Variants in H3C10 observed in about 807,000 individuals in gnomAD.
H3C10 encodes histone H3.1.
H3C10 carries 8 observed loss-of-function variants against 6.8 expected under a neutral mutation model. The observed-to-expected ratio is 1.17, with a 90% CI of 0.69 to 2.12. H3C10 has a LOEUF of 2.12. Among genes scored for constraint, H3C10 ranks in the 30% most tolerant of loss-of-function variants. H3C10 has a pLI of 0.00. For missense variants in H3C10, 163 were observed against 195.3 expected (o/e 0.83, Z 0.98); for synonymous variants, 122 against 81.3 (o/e 1.50, Z -2.69).
In H3C10 at chr6:27,810,128, A is replaced by G; in HGVS notation, c.55A>G (p.Lys19Glu). ...GTCCACCGGCGGCAAGGCTCCGCGC[A>G]AGCAGCTGGCCACCAAGGCGGCTCG... ...RKSTGGKAPR[K>E]QLATKAARKS... Residue 19 changes from lysine (K) to glutamate (E), a missense_variant, in exon 1 of 1, where the codon AAG becomes GAG. By Grantham distance (56) the Lys-to-Glu change is moderately conservative (BLOSUM62 1). Transcript: ENST00000685041. The G allele has an allele frequency of 3.1e-6, 5 of 1,614,072 alleles. No homozygotes were observed. The highest frequency in any genetic ancestry group is 4.2e-6 in the Non-Finnish European group (5 of 1,179,984).
chr6:27,810,118 G>A lies in H3C10; in HGVS notation c.45G>A (p.Lys15=), dbSNP rs1173270975. 1 of 1,613,962 alleles carries A rather than the reference G, an allele frequency of 6.2e-7. No homozygotes were observed. Among genetic ancestry groups the A allele is most frequent in the Non-Finnish European group, 8.5e-7 (1 of 1,179,984 alleles). The change falls in exon 1 of 1, where the codon AAG becomes AAA. Residue 15 remains lysine (K), a synonymous_variant. Transcript: ENST00000685041. ...KQTARKSTGG[K]APRKQLATKA... is the part of the protein sequence containing the mutation. ...CTGCTCGCAAGTCCACCGGCGGCAA[G>A]GCTCCGCGCAAGCAGCTGGCCACCA...
In H3C10 at chr6:27,810,234, G is replaced by A. The variant is rs764186127; in HGVS notation, c.161G>A (p.Arg54His). 8 of 1,614,214 alleles carry A rather than the reference G, an allele frequency of 5.0e-6. No homozygotes were observed. Among genetic ancestry groups the A allele is most frequent in the South Asian group, 1.1e-5 (1 of 91,088 alleles). The stretch of plus-strand genomic sequence containing the variant: ...ACAGTGGCTCTCCGCGAGATTCGCC[G>A]CTACCAGAAGTCCACCGAGCTGCTG... ...PGTVALREIR[R>H]YQKSTELLIR... is the part of the protein sequence containing the mutation. The change falls in exon 1 of 1, where the codon CGC becomes CAC. Residue 54 changes from arginine to histidine, a missense_variant. Physicochemically the swap from Arg to His is conservative, Grantham distance 29. Coordinates refer to ENST00000685041, the MANE Select transcript of H3C10 (RefSeq NM_003536.3).
In H3C10 at chr6:27,810,449, C is replaced by T; in HGVS notation, c.376C>T (p.Gln126Ter). 3.1e-6 allele frequency: 5 copies of T among 1,614,140 alleles called. No homozygotes were observed. The highest frequency in any genetic ancestry group is 4.2e-6 in the Non-Finnish European group (5 of 1,180,006). The change falls in exon 1 of 1, where the codon CAG (glutamine) becomes TAG (stop). Residue 126 changes from glutamine to a stop codon, truncating the protein, a stop_gained. Coordinates refer to ENST00000685041, the MANE Select transcript of H3C10 (RefSeq NM_003536.3). LOFTEE classifies it high-confidence loss of function. ...GGTGACTATCATGCCCAAGGACATC[C>T]AGCTCGCACGTCGTATCCGCGGCGA... is the stretch of plus-strand genomic sequence containing the variant. The part of the protein sequence containing the change: ...KRVTIMPKDI[Q>*]LARRIRGERA
At position 27,810,503 on chromosome 6, in the gene H3C10, T is replaced by C. The variant is rs1453992917; in HGVS notation, c.*19T>C. ...GGCTTGAGTCTCAAGGACTCACTGA[T>C]TACATACCCAAAGGCTCTTTTCAGA... On this transcript the variant is annotated 3_prime_UTR_variant, in exon 1 of 1. Coordinates refer to ENST00000685041, the MANE Select transcript of H3C10 (RefSeq NM_003536.3). 1.2e-6 allele frequency: 2 copies of C among 1,608,028 alleles called. No homozygotes were observed. The highest frequency in any genetic ancestry group is 1.7e-6 in the Non-Finnish European group (2 of 1,177,056).
rs1581457881 is a variant in H3C10 at position 27,810,088 on chromosome 6, G to A, written c.15G>A (p.Lys5=). Residue 5 remains lysine, a synonymous_variant, in exon 1 of 1, where the codon AAG becomes AAA. Coordinates refer to ENST00000685041, the MANE Select transcript of H3C10 (RefSeq NM_003536.3). ...GCTCTGAAGGCATGGCGCGTACGAA[G>A]CAGACTGCTCGCAAGTCCACCGGCG... The part of the protein sequence containing the change: MART[K]QTARKSTGGK... The A allele has an allele frequency of 6.2e-7, 1 of 1,613,940 alleles. No homozygotes were observed. The highest frequency in any genetic ancestry group is 8.5e-7 in the Non-Finnish European group (1 of 1,179,974).
At position 27,810,394 on chromosome 6, in the gene H3C10, C is replaced by T. The variant is rs1561924009; in HGVS notation, c.321C>T (p.Asp107=). The T allele has an allele frequency of 1.2e-6, 2 of 1,614,108 alleles. No individual in the cohort carries two copies. The highest frequency in any genetic ancestry group is 1.7e-6 in the Non-Finnish European group (2 of 1,180,042). The part of the protein sequence containing the change: ...CEAYLVGLFE[D]TNLCAIHAKR... ...CCTACCTGGTGGGGCTCTTTGAGGACACCAACCTGTGCGCCATCCACGCCA... is the reference window on the plus strand; with the variant it reads ...CCTACCTGGTGGGGCTCTTTGAGGATACCAACCTGTGCGCCATCCACGCCA... The change falls in exon 1 of 1, where the codon GAC becomes GAT. Residue 107 remains aspartate (D), a synonymous_variant. Coordinates refer to ENST00000685041, the MANE Select transcript of H3C10 (RefSeq NM_003536.3).
In H3C10 at chr6:27,810,331, G is replaced by C; in HGVS notation, c.258G>C (p.Gln86His). 6.2e-7 allele frequency: 1 copy of C among 1,614,204 alleles called. No homozygotes were observed. Among genetic ancestry groups the C allele is most frequent in the East Asian group, 2.2e-5 (1 of 44,872 alleles). The change falls in exon 1 of 1, where the codon CAG becomes CAC. Residue 86 changes from glutamine to histidine, a missense_variant. Gln to His is a conservative substitution (Grantham distance 24). Transcript: ENST00000685041. Reference sequence around the variant, plus strand: ...ACTTCAAGACCGACTTGCGCTTCCAGAGCTCCGCGGTGATGGCGCTGCAAG... The same window carrying C: ...ACTTCAAGACCGACTTGCGCTTCCACAGCTCCGCGGTGATGGCGCTGCAAG... ...AQDFKTDLRF[Q>H]SSAVMALQEA...
Position 27,810,213 on chromosome 6 carries a change from T to G in H3C10, c.140T>G (p.Val47Gly). 6.2e-7 allele frequency: 1 copy of G among 1,614,202 alleles called. No homozygotes were observed. The highest frequency in any genetic ancestry group is 8.5e-7 in the Non-Finnish European group (1 of 1,180,036). ...KKPHRYRPGT[V>G]ALREIRRYQK... ...CCCCATCGCTATCGGCCTGGTACAG[T>G]GGCTCTCCGCGAGATTCGCCGCTAC... Residue 47 changes from valine (V) to glycine (G), a missense_variant, in exon 1 of 1, where the codon GTG becomes GGG. Physicochemically the swap from Val to Gly is moderately radical, Grantham distance 109. Transcript: ENST00000685041.
rs747711242 is a variant in H3C10 at position 27,810,190 on chromosome 6, C to T, written c.117C>T (p.Pro39=). ...SAPATGGVKK[P]HRYRPGTVAL... ...CGGCCACCGGCGGTGTCAAGAAGCC[C>T]CATCGCTATCGGCCTGGTACAGTGG... Residue 39 remains proline, a synonymous_variant, in exon 1 of 1, where the codon CCC becomes CCT. Coordinates refer to ENST00000685041, the MANE Select transcript of H3C10 (RefSeq NM_003536.3). 13 of 1,614,158 alleles carry T rather than the reference C, an allele frequency of 8.1e-6. No individual in the cohort carries two copies. Among genetic ancestry groups the T allele is most frequent in the South Asian group, 2.2e-5 (2 of 91,088 alleles).
chr6:27,810,455 G>A lies in H3C10; in HGVS notation c.382G>A (p.Ala128Thr). The stretch of plus-strand genomic sequence containing the variant: ...TATCATGCCCAAGGACATCCAGCTC[G>A]CACGTCGTATCCGCGGCGAGAGGGC... Reference protein sequence around the residue: ...VTIMPKDIQLARRIRGERA With the variant: ...VTIMPKDIQLTRRIRGERA The change falls in exon 1 of 1, where the codon GCA becomes ACA. Residue 128 changes from alanine to threonine, a missense_variant. Ala to Thr is a moderately conservative substitution (Grantham distance 58). Transcript: ENST00000685041. 1.2e-6 allele frequency: 2 copies of A among 1,614,118 alleles called. No individual in the cohort carries two copies. Among genetic ancestry groups the A allele is most frequent in the Non-Finnish European group, 1.7e-6 (2 of 1,180,000 alleles).
At position 27,810,129 on chromosome 6, in the gene H3C10, A is replaced by G. The variant is rs1475368232; in HGVS notation, c.56A>G (p.Lys19Arg). 6.2e-7 allele frequency: 1 copy of G among 1,614,146 alleles called. No individual in the cohort carries two copies. The highest frequency in any genetic ancestry group is 1.1e-5 in the South Asian group (1 of 91,076). ...TCCACCGGCGGCAAGGCTCCGCGCAAGCAGCTGGCCACCAAGGCGGCTCGG... is the reference window on the plus strand; with the variant it reads ...TCCACCGGCGGCAAGGCTCCGCGCAGGCAGCTGGCCACCAAGGCGGCTCGG... ...RKSTGGKAPR[K>R]QLATKAARKS... Residue 19 changes from lysine to arginine, a missense_variant, in exon 1 of 1, where the codon AAG (lysine) becomes AGG (arginine). Lys to Arg is a conservative substitution (Grantham distance 26, BLOSUM62 2). Coordinates refer to ENST00000685041, the MANE Select transcript of H3C10 (RefSeq NM_003536.3).
In H3C10 at chr6:27,810,145, G is replaced by A. The variant is rs760481454; in HGVS notation, c.72G>A (p.Lys24=). 3 of 1,614,014 alleles carry A rather than the reference G, an allele frequency of 1.9e-6. No homozygotes were observed. The highest frequency in any genetic ancestry group is 2.2e-5 in the South Asian group (2 of 91,080). ...CTCCGCGCAAGCAGCTGGCCACCAA[G>A]GCGGCTCGGAAGAGCGCTCCGGCCA... ...GKAPRKQLAT[K]AARKSAPATG... Residue 24 remains lysine, a synonymous_variant, in exon 1 of 1, where the codon AAG becomes AAA. Coordinates refer to ENST00000685041, the MANE Select transcript of H3C10 (RefSeq NM_003536.3).
Position 27,810,183 on chromosome 6 carries a change from A to G in H3C10, c.110A>G (p.Lys37Arg). The G allele has an allele frequency of 6.2e-7, 1 of 1,614,144 alleles. No homozygotes were observed. Residue 37 changes from lysine (K) to arginine (R), a missense_variant, in exon 1 of 1, where the codon AAG (lysine) becomes AGG (arginine). Transcript: ENST00000685041. Reference protein sequence around the residue: ...RKSAPATGGVKKPHRYRPGTV... With the variant: ...RKSAPATGGVRKPHRYRPGTV... Reference sequence around the variant, plus strand: ...AGCGCTCCGGCCACCGGCGGTGTCAAGAAGCCCCATCGCTATCGGCCTGGT... The same window carrying G: ...AGCGCTCCGGCCACCGGCGGTGTCAGGAAGCCCCATCGCTATCGGCCTGGT...
rs1760534671 is a variant in H3C10, at chr6:27,810,266, A to G, written c.193A>G (p.Lys65Glu). ...YQKSTELLIRKLPFQRLVREI... is the reference protein window; with the variant it reads ...YQKSTELLIRELPFQRLVREI... Reference sequence around the variant, plus strand: ...GAAGTCCACCGAGCTGCTGATCAGAAAGCTGCCTTTTCAGCGTCTGGTGCG... The same window carrying G: ...GAAGTCCACCGAGCTGCTGATCAGAGAGCTGCCTTTTCAGCGTCTGGTGCG... The change falls in exon 1 of 1, where the codon AAG (lysine) becomes GAG (glutamate). Residue 65 changes from lysine to glutamate, a missense_variant. Transcript: ENST00000685041. The G allele has an allele frequency of 6.2e-7, 1 of 1,614,078 alleles. No homozygotes were observed. The highest frequency in any genetic ancestry group is 1.3e-5 in the African/African-American group (1 of 74,924).
rs1335556733 is a variant in H3C10, at chr6:27,810,287, G to A, written c.214G>A (p.Val72Met). 6 of 1,614,134 alleles carry A rather than the reference G, an allele frequency of 3.7e-6. 1 individual carries two copies. In the Admixed American group the frequency reaches 1.0e-4, roughly 27 times the overall value. The part of the protein sequence containing the change: ...LIRKLPFQRL[V>M]REIAQDFKTD... Reference sequence around the variant, plus strand: ...CAGAAAGCTGCCTTTTCAGCGTCTGGTGCGTGAGATCGCGCAGGACTTCAA... The same window carrying A: ...CAGAAAGCTGCCTTTTCAGCGTCTGATGCGTGAGATCGCGCAGGACTTCAA... The change falls in exon 1 of 1, where the codon GTG becomes ATG. Residue 72 changes from valine to methionine, a missense_variant. Physicochemically the swap from Val to Met is conservative, Grantham distance 21 (BLOSUM62 1). Transcript: ENST00000685041.
At position 27,810,468 on chromosome 6, in the gene H3C10, G is replaced by A. The variant is rs760090729; in HGVS notation, c.395G>A (p.Arg132His). The change falls in exon 1 of 1, where the codon CGC (arginine) becomes CAC (histidine). Residue 132 changes from arginine (R) to histidine (H), a missense_variant. Transcript: ENST00000685041. The part of the protein sequence containing the change: ...PKDIQLARRI[R>H]GERA ...GACATCCAGCTCGCACGTCGTATCCGCGGCGAGAGGGCTTGAGTCTCAAGG... is the reference window on the plus strand; with the variant it reads ...GACATCCAGCTCGCACGTCGTATCCACGGCGAGAGGGCTTGAGTCTCAAGG... 15 of 1,614,056 alleles carry A rather than the reference G, an allele frequency of 9.3e-6. No individual in the cohort carries two copies. Among genetic ancestry groups the A allele is most frequent in the African/African-American group, 1.3e-5 (1 of 75,050 alleles).
In H3C10 at chr6:27,810,166, G is replaced by C. The variant is rs927480950; in HGVS notation, c.93G>C (p.Pro31=). The C allele has an allele frequency of 6.2e-7, 1 of 1,614,158 alleles. No individual in the cohort carries two copies. The highest frequency in any genetic ancestry group is 2.2e-5 in the East Asian group (1 of 44,886). Reference sequence around the variant, plus strand: ...CCAAGGCGGCTCGGAAGAGCGCTCCGGCCACCGGCGGTGTCAAGAAGCCCC... The same window carrying C: ...CCAAGGCGGCTCGGAAGAGCGCTCCCGCCACCGGCGGTGTCAAGAAGCCCC... ...LATKAARKSA[P]ATGGVKKPHR... The change falls in exon 1 of 1, where the codon CCG becomes CCC. Residue 31 remains proline, a synonymous_variant. Transcript: ENST00000685041.
rs552190379 is a variant in H3C10, at chr6:27,810,512, C to G, written c.*28C>G. The G allele has an allele frequency of 1.3e-6, 2 of 1,598,370 alleles. No individual in the cohort carries two copies. The highest frequency in any genetic ancestry group is 2.2e-5 in the South Asian group (2 of 89,574). Reference sequence around the variant, plus strand: ...CTCAAGGACTCACTGATTACATACCCAAAGGCTCTTTTCAGAGCCACCCAC... The same window carrying G: ...CTCAAGGACTCACTGATTACATACCGAAAGGCTCTTTTCAGAGCCACCCAC... On this transcript the variant is annotated 3_prime_UTR_variant, in exon 1 of 1. Transcript: ENST00000685041.
chr6:27,810,454 C>T lies in H3C10; in HGVS notation c.381C>T (p.Leu127=). 2 of 1,614,154 alleles carry T rather than the reference C, an allele frequency of 1.2e-6. No homozygotes were observed. Among genetic ancestry groups the T allele is most frequent in the Non-Finnish European group, 8.5e-7 (1 of 1,180,022 alleles). Residue 127 remains leucine (L), a synonymous_variant, in exon 1 of 1, where the codon CTC becomes CTT. Transcript: ENST00000685041. The part of the protein sequence containing the change: ...RVTIMPKDIQ[L]ARRIRGERA ...CTATCATGCCCAAGGACATCCAGCT[C>T]GCACGTCGTATCCGCGGCGAGAGGG... is the stretch of plus-strand genomic sequence containing the variant.
Sources: gnomAD v4.1 joint callset for allele counts on GRCh38, gnomAD v4.1.1 for gene constraint, MANE v1.5 for transcripts, NCBI Gene and HGNC (gene_info 2026-07-23, HGNC 2026-07-21) for gene names.